The following UNC5D variants were observed in gnomAD, a reference collection of about 807,000 sequenced individuals.
UNC5D encodes the protein unc-5 netrin receptor D, also known as netrin receptor UNC5D.
In UNC5D, 39 loss-of-function variants were observed where a neutral mutation model predicts 105.4. The observed-to-expected ratio is 0.37, with a 90% confidence interval of 0.29 to 0.48. The LOEUF (loss-of-function observed/expected upper bound fraction) is 0.48, where lower values mean the gene tolerates loss of function less well. Ranked by LOEUF, UNC5D falls within the 20% of genes least tolerant of loss-of-function variation. The pLI, the probability that UNC5D is intolerant of heterozygous loss-of-function variation, is 0.98. For missense variants in UNC5D, 991 were observed against 1,202.4 expected (o/e 0.82, Z 2.60); for synonymous variants, 452 against 450.4 (o/e 1.00, Z -0.04).
At chr8:35,737,299 T>C (rs1240951090) in intron 11 of UNC5D, among the ~76,000 whole-genome samples, 4 of 143,448 alleles carry the variant, frequency 2.8e-5, no homozygotes, top group African/African-American at 1.1e-4. Context: ...TGTGTGTGTG[T>C]GTTAATGTGT....
At chr8:35,249,253 G>T (rs1803514762) in intron 1 of UNC5D, among the ~76,000 whole-genome samples, 1 of 148,438 alleles carries the variant, frequency 6.7e-6, no homozygotes, top group South Asian at 2.1e-4. Flanking sequence ...AGAGTGACTG[G>T]ATATACTTTT....
At chr8:35,593,942 G>C (rs552391624) in intron 3 of UNC5D, among the ~76,000 whole-genome samples, 1 of 152,328 alleles carries the variant, frequency 6.6e-6, no homozygotes, top group South Asian at 2.1e-4. Context: ...GGAGAATTGT[G>C]TGGGAAGCGT....
At chr8:35,622,034 A>G (rs1397385847) in intron 4 of UNC5D, among the ~76,000 whole-genome samples, 1 of 152,224 alleles carries the variant, frequency 6.6e-6, no homozygotes, top group Non-Finnish European at 1.5e-5. Flanking sequence ...ACGCAGTTGC[A>G]TGAAGGCCCC....
chr8:35,741,466 C>T (rs1000405820), intron 11 of UNC5D, among the ~76,000 whole-genome samples: 3 of 152,028 alleles, frequency 2.0e-5, no homozygotes, highest in Non-Finnish European at 4.4e-5. Flanking sequence ...TGTAATAATC[C>T]ACTGTTCTAA....
At chr8:35,284,962 T>A (rs1806483172) in intron 1 of UNC5D, among the ~76,000 whole-genome samples, 2 of 152,156 alleles carry the variant, frequency 1.3e-5, no homozygotes, top group East Asian at 3.9e-4. Flanking sequence ...CCTGGGGTGC[T>A]TTTTTTCCTA....
intron 7 of UNC5D, among the ~76,000 whole-genome samples, chr8:35,696,700 G>A (rs772810725): frequency 1.3e-5 from 2 of 152,010 alleles, no homozygotes; most frequent in Non-Finnish European, 2.9e-5. Context: ...TACAAACTAA[G>A]TACACGTCTC....
chr8:35,364,842 G>A (rs1159820931), intron 1 of UNC5D, among the ~76,000 whole-genome samples: 1 of 152,080 alleles, frequency 6.6e-6, no homozygotes, highest in African/African-American at 2.4e-5. Flanking sequence ...TGATATGCTT[G>A]CTTATTTGTT....
intron 1 of UNC5D, among the ~76,000 whole-genome samples, chr8:35,418,215 A>C (rs1024091563): frequency 3.3e-5 from 5 of 152,122 alleles, no homozygotes; most frequent in African/African-American, 1.2e-4. Flanking sequence ...GTTCAGAAAC[A>C]ATCTCAATTG....
chr8:35,242,311 A>C (rs564609078), intron 1 of UNC5D, among the ~76,000 whole-genome samples: 7 of 152,270 alleles, frequency 4.6e-5, no homozygotes, highest in African/African-American at 1.7e-4. Flanking sequence ...GACATCACAG[A>C]CATTTGGGAA....
intron 1 of UNC5D, among the ~76,000 whole-genome samples, chr8:35,346,820 T>A (rs1811837134): frequency 6.6e-6 from 1 of 152,022 alleles, no homozygotes; most frequent in African/African-American, 2.4e-5. Flanking sequence ...AGGCAGTAAG[T>A]GTTCACTGCT....
chr8:35,246,854 G>A (rs999652802), intron 1 of UNC5D, among the ~76,000 whole-genome samples: 1 of 152,128 alleles, frequency 6.6e-6, no homozygotes, highest in African/African-American at 2.4e-5. Flanking sequence ...ATAGTGTTAT[G>A]TCATGGCCCT....
intron 1 of UNC5D, among the ~76,000 whole-genome samples, chr8:35,312,012 C>A (rs1355657637): frequency 2.0e-5 from 3 of 152,126 alleles, no homozygotes. Flanking sequence ...CATTTGGAAT[C>A]AGGGCTTTTA....
At chr8:35,525,601 T>G in intron 1 of UNC5D, 3 of 1,613,382 alleles carry the variant, frequency 1.9e-6, no homozygotes, top group Non-Finnish European at 1.7e-6. Flanking sequence ...ATGAGCAAGA[T>G]GTCTGCATGG....
rs566101897 is a variant in UNC5D at position 35,445,090 on chromosome 8, C to T, written c.104-104202C>T. On this transcript the variant is annotated intron_variant, in intron 1 of 16. Coordinates refer to ENST00000404895, the MANE Select transcript of UNC5D (RefSeq NM_080872.4). Reference sequence around the variant, plus strand: ...TTGACCAAGTGATGTGTACATCAGACCTTATCCATTATTCTGTTGGTATCA... The same window carrying T: ...TTGACCAAGTGATGTGTACATCAGATCTTATCCATTATTCTGTTGGTATCA... Among the ~76,000 whole-genome samples the T allele has an allele frequency of 4.6e-5, 7 of 151,986 alleles. No individual in the cohort carries two copies. In the South Asian group the frequency reaches 1.5e-3, roughly 32 times the overall value.
In UNC5D at chr8:35,338,244, C is replaced by G. The variant is rs926999874; in HGVS notation, c.103+102357C>G. 6.6e-5 allele frequency among the ~76,000 whole-genome samples: 10 copies of G among 152,238 alleles called. No individual in the cohort carries two copies. In the South Asian group the frequency reaches 1.2e-3, roughly 19 times the overall value. On this transcript the variant is annotated intron_variant, in intron 1 of 16. Coordinates refer to ENST00000404895, the MANE Select transcript of UNC5D (RefSeq NM_080872.4). ...CATAAGCTGTCAAATGCCAGTCTCT[C>G]TACAGGGAAGTTTGTTGAAATCGTC...
intron 1 of UNC5D, among the ~76,000 whole-genome samples, chr8:35,518,459 C>T (rs1304583087): frequency 6.6e-6 from 1 of 152,050 alleles, no homozygotes; most frequent in Non-Finnish European, 1.5e-5. Flanking sequence ...TTTTTTTATG[C>T]AACATAAATT....
At position 35,573,339 on chromosome 8, in the gene UNC5D, A is replaced by G. The variant is rs1304420686; in HGVS notation, c.466+5098A>G. ...GTGCCTGTAGTCATGGCTACTCAGG[A>G]GGCTGAGGCAGGAGGATCACTTGAG... is the stretch of plus-strand genomic sequence containing the variant. On this transcript the variant is annotated intron_variant, in intron 3 of 16. Transcript: ENST00000404895. Among the ~76,000 whole-genome samples, 3 of 152,210 alleles carry G rather than the reference A, an allele frequency of 2.0e-5. No individual in the cohort carries two copies. In the East Asian group the frequency reaches 5.8e-4, roughly 29 times the overall value.
chr8:35,469,398 A>G (rs1217348912), intron 1 of UNC5D, among the ~76,000 whole-genome samples: 1 of 152,226 alleles, frequency 6.6e-6, no homozygotes, highest in Non-Finnish European at 1.5e-5. Context: ...AGTAATCAGT[A>G]AATAGAAGTA....
At chr8:35,400,024 A>G (rs1804355726) in intron 1 of UNC5D, among the ~76,000 whole-genome samples, 1 of 152,174 alleles carries the variant, frequency 6.6e-6, no homozygotes, top group South Asian at 2.1e-4. Flanking sequence ...TATTAAGGAT[A>G]TGATGCCTGG....
Sources: allele counts gnomAD v4.1 joint callset (sites outside exome capture counted in the v4.1 genomes callset), GRCh38; gene constraint gnomAD v4.1.1; transcripts MANE v1.5; gene names NCBI Gene and HGNC (gene_info 2026-07-23, HGNC 2026-07-21).